Variants in TET2 observed in about 807,000 individuals in gnomAD.
The protein encoded by TET2 is tet methylcytosine dioxygenase 2, also known as methylcytosine dioxygenase TET2.
A neutral mutation model predicts 142.9 loss-of-function variants in TET2; 299 were observed. The ratio of observed to expected loss-of-function variants is 2.09; its 90% CI spans 1.90 to 2.30. The LOEUF is 2.30. Among genes scored for constraint, TET2 ranks in the 30% most tolerant of loss-of-function variants. The pLI, the probability that TET2 is intolerant of heterozygous loss-of-function variation, is 0.00. For synonymous variants in TET2, 819 were observed against 849.0 expected, an observed-to-expected ratio of 0.96 and a Z score of 0.61; for missense variants, 2,418 against 2,378.0, an observed-to-expected ratio of 1.02 and a Z score of -0.35.
chr4:105,255,069 T>G (rs1730054429), intron 6 of TET2, among the ~76,000 whole-genome samples: 1 of 152,228 alleles, frequency 6.6e-6, no homozygotes, highest in Non-Finnish European at 1.5e-5. Context: ...CTGACAGATC[T>G]AAGTAGTCTT....
intron 2 of TET2, among the ~76,000 whole-genome samples, chr4:105,211,312 C>A (rs1560755891): frequency 6.6e-6 from 1 of 152,112 alleles, no homozygotes; most frequent in Non-Finnish European, 1.5e-5. Context: ...ACTCATCAGT[C>A]TGAAATTGTT....
intron 6 of TET2, among the ~76,000 whole-genome samples, chr4:105,248,193 C>T (rs1480010599): frequency 6.6e-6 from 1 of 152,130 alleles, no homozygotes; most frequent in Non-Finnish European, 1.5e-5. Flanking sequence ...TCAGCCTGAT[C>T]CATCATTATG....
intron 2 of TET2, among the ~76,000 whole-genome samples, chr4:105,223,260 A>G (rs1727957335): frequency 6.6e-6 from 1 of 152,166 alleles, no homozygotes; most frequent in South Asian, 2.1e-4. Flanking sequence ...CATATAGGAA[A>G]CATTATATTC....
chr4:105,264,001 C>T (rs951085049), intron 8 of TET2, among the ~76,000 whole-genome samples: 125 of 152,030 alleles, frequency 8.2e-4, no homozygotes, highest in African/African-American at 2.9e-3. Context: ...TAAAGACTCT[C>T]GTGGGATTAG....
Position 105,242,803 on chromosome 4 carries a change from A to ATG in TET2, c.3501-21_3501-20dup, listed in dbSNP as rs373986001. On this transcript the variant is annotated intron_variant, in intron 4 of 10. Coordinates refer to ENST00000380013, the MANE Select transcript of TET2 (RefSeq NM_001127208.3). ...CCTCTTGAATTCATTTGCTAATTGT[A>ATG]TGTGTGTGTGTTTCTGTGGGTTTCT... 1.2e-5 allele frequency: 19 copies of ATG among 1,542,912 alleles called. No homozygotes were observed. In the South Asian group the frequency reaches 2.1e-4, roughly 17 times the overall value.
chr4:105,222,639 C>A (rs184066686), intron 2 of TET2, among the ~76,000 whole-genome samples: 53 of 152,024 alleles, frequency 3.5e-4, no homozygotes, highest in African/African-American at 1.2e-3. Context: ...GAGTAGGTTG[C>A]GAAAATTTTC....
Position 105,236,835 on chromosome 4 carries a change from A to G in TET2, c.2893A>G (p.Thr965Ala). Residue 965 changes from threonine (T) to alanine (A), a missense_variant, in exon 3 of 11, where the codon ACA (threonine) becomes GCA (alanine). By Grantham distance (58) the Thr-to-Ala change is moderately conservative. Transcript: ENST00000380013. ...CTTACAGAAGCAAGAACAGCAGCAA[A>G]CACAGCAACCCCAAACTGAGTCTTG... ...HLLQKQEQQQ[T>A]QQPQTESCHS... The G allele has an allele frequency of 6.2e-7, 1 of 1,614,184 alleles. No individual in the cohort carries two copies. The highest frequency in any genetic ancestry group is 8.5e-7 in the Non-Finnish European group (1 of 1,180,022).
In TET2 at chr4:105,276,099, C is replaced by T. The variant is rs779488950; in HGVS notation, c.5589C>T (p.Ala1863=). The change falls in exon 11 of 11, where the codon GCC becomes GCT. Residue 1863 remains alanine (A), a synonymous_variant. Coordinates refer to ENST00000380013, the MANE Select transcript of TET2 (RefSeq NM_001127208.3). ...SFLDPDIGGV[A]VAPTHGSILI... ...TGGATCCTGACATTGGGGGAGTGGC[C>T]GTGGCTCCAACTCATGGGTCAATTC... 1.2e-5 allele frequency: 19 copies of T among 1,551,432 alleles called. No individual in the cohort carries two copies. Among genetic ancestry groups the T allele is most frequent in the East Asian group, 2.4e-5 (1 of 40,926 alleles).
intron 2 of TET2, among the ~76,000 whole-genome samples, chr4:105,194,406 A>G (rs1000184182): frequency 1.3e-5 from 2 of 152,048 alleles, no homozygotes; most frequent in Admixed American, 6.6e-5. Context: ...TGATATTTCT[A>G]CTGTTGTACT....
At chr4:105,220,707 C>T (rs1444094468) in intron 2 of TET2, among the ~76,000 whole-genome samples, 1 of 152,142 alleles carries the variant, frequency 6.6e-6, no homozygotes, top group East Asian at 1.9e-4. Flanking sequence ...GTGAGGCAGG[C>T]ATCCGAATAC....
At chr4:105,243,834 T>A (rs539144550) in intron 6 of TET2, 56 bp downstream of exon 6, 1 of 1,480,058 alleles carries the variant, frequency 6.8e-7, no homozygotes, top group South Asian at 1.2e-5. Flanking sequence ...GAAAGCCCAA[T>A]CTTTGGTTGA....
chr4:105,150,067 A>T (rs544753626), intron 1 of TET2, among the ~76,000 whole-genome samples: 1 of 152,330 alleles, frequency 6.6e-6, no homozygotes, highest in African/African-American at 2.4e-5. Flanking sequence ...CACTATTGAA[A>T]TGTATTTCCT....
chr4:105,243,042 T>C (rs1578690820), intron 5 of TET2, 115 bp downstream of exon 5: 1 of 802,276 alleles, frequency 1.2e-6, no homozygotes, highest in Non-Finnish European at 2.1e-6. Flanking sequence ...AAAAAGAACA[T>C]TACCTGTATT....
At chr4:105,241,759 C>T (rs1193712972) in intron 4 of TET2, 1 of 1,252,934 alleles carries the variant, frequency 8.0e-7, no homozygotes, top group Non-Finnish European at 1.0e-6. Context: ...CTGGCTTTCC[C>T]ACCTGATAAT....
chr4:105,234,762 ATC>A lies in TET2; in HGVS notation c.821_822del (p.Ile274LysfsTer7). 1 of 1,613,958 alleles carries A rather than the reference ATC, an allele frequency of 6.2e-7. No individual in the cohort carries two copies. The highest frequency in any genetic ancestry group is 8.5e-7 in the Non-Finnish European group (1 of 1,179,946). On this transcript the variant is annotated frameshift_variant, in exon 3 of 11. Transcript: ENST00000380013. LOFTEE classifies it high-confidence loss of function. ...ITHPSHTSGQ[I>X]NSAQTSNSEL... Reference sequence around the variant, plus strand: ...TCACCCATCGCATACCTCAGGGCAGATCAATTCCGCACAGACCTCTAACTCTG... The same window carrying A: ...TCACCCATCGCATACCTCAGGGCAGAAATTCCGCACAGACCTCTAACTCTG...
chr4:105,160,653 A>C (rs1324034082), intron 1 of TET2, among the ~76,000 whole-genome samples: 2 of 152,260 alleles, frequency 1.3e-5, no homozygotes, highest in African/African-American at 4.8e-5. Flanking sequence ...AAAGATAGGA[A>C]AAATCAGAGT....
Position 105,235,979 on chromosome 4 carries a change from T to C in TET2, c.2037T>C (p.Thr679=), listed in dbSNP as rs1728854775. Residue 679 remains threonine (T), a synonymous_variant, in exon 3 of 11, where the codon ACT becomes ACC. Transcript: ENST00000380013. ...PKAHVQSLCG[T]RFHFQQRADS... ...CTCATGTGCAGTCACTGTGTGGCACTAGATTTCATTTTCAACAAAGAGCAG... is the reference window on the plus strand; with the variant it reads ...CTCATGTGCAGTCACTGTGTGGCACCAGATTTCATTTTCAACAAAGAGCAG... 1 of 1,614,174 alleles carries C rather than the reference T, an allele frequency of 6.2e-7. No individual in the cohort carries two copies. Among genetic ancestry groups the C allele is most frequent in the Non-Finnish European group, 8.5e-7 (1 of 1,180,022 alleles).
chr4:105,267,339 A>C (rs1435552091), intron 8 of TET2, among the ~76,000 whole-genome samples: 1 of 152,098 alleles, frequency 6.6e-6, no homozygotes, highest in Non-Finnish European at 1.5e-5. Context: ...ACATGGTTAA[A>C]AGACTTTTAA....
chr4:105,266,453 C>A (rs542330165), intron 8 of TET2, among the ~76,000 whole-genome samples: 1 of 151,784 alleles, frequency 6.6e-6, no homozygotes, highest in Non-Finnish European at 1.5e-5. Context: ...GGGGAACAGG[C>A]AGAAATCAAT....
Sources: gnomAD v4.1 joint callset for allele counts (sites outside exome capture counted in the v4.1 genomes callset) on GRCh38, gnomAD v4.1.1 for gene constraint, MANE v1.5 for transcripts, NCBI Gene and HGNC (gene_info 2026-07-23, HGNC 2026-07-21) for gene names.